Variants in ZNF274 observed in about 807,000 individuals in gnomAD.
The protein encoded by ZNF274 is neurotrophin receptor-interacting factor homolog.
ZNF274 carries 23 observed loss-of-function variants against 42.5 expected under a neutral mutation model. The ratio of observed to expected loss-of-function variants is 0.54; its 90% CI spans 0.39 to 0.77. The LOEUF is 0.77. ZNF274 is among the 30% of genes least tolerant of loss of function. ZNF274 has a pLI of 0.00. For synonymous variants in ZNF274, 292 were observed against 305.4 expected (o/e 0.96, Z 0.46); for missense variants, 679 against 806.5 (o/e 0.84, Z 1.91).
At chr19:58,198,469 C>G (rs1600144346) in intron 4 of ZNF274, among the ~76,000 whole-genome samples, 1 of 151,868 alleles carries the variant, frequency 6.6e-6, no homozygotes, top group African/African-American at 2.4e-5. Context: ...TGGAACAGTA[C>G]AGAAGATGAG....
chr19:58,207,261 G>C lies in ZNF274; in HGVS notation c.739+59G>C. 3.9e-6 allele frequency: 6 copies of C among 1,526,178 alleles called. No individual in the cohort carries two copies. Among genetic ancestry groups the C allele is most frequent in the South Asian group, 3.9e-5 (3 of 77,002 alleles). The allele number at this position is 1,526,178 out of a possible 1,614,324, so 94.5% of individuals were successfully genotyped here. On this transcript the variant is annotated intron_variant, in intron 5 of 7. Transcript: ENST00000617501. This position sits in a 1 kb window ranked among gnomAD's most constrained non-coding sequence, Gnocchi z 5.6. ...TGAGGGTGTCTTGGAGTACCCTGTG[G>C]GGGAGATAAGAACTCCAGGCTTCCT...
rs79918629 is a variant in ZNF274, at chr19:58,196,955, C to T, written c.257-9765C>T. On this transcript the variant is annotated intron_variant, in intron 4 of 7. Coordinates refer to ENST00000617501, the MANE Select transcript of ZNF274 (RefSeq NM_133502.3). ...GGAAGAAACCTCAGAAATATGATCACGTGAGGAAAGACTTCTGGCCTAACT... is the reference window on the plus strand; with the variant it reads ...GGAAGAAACCTCAGAAATATGATCATGTGAGGAAAGACTTCTGGCCTAACT... Among the ~76,000 whole-genome samples the T allele has an allele frequency of 4.3e-3, 658 of 152,238 alleles. 6 individuals carry two copies. The highest frequency in any genetic ancestry group is 0.015 in the African/African-American group (628 of 41,528).
intron 4 of ZNF274, among the ~76,000 whole-genome samples, chr19:58,192,777 A>G (rs891269492): frequency 9.9e-5 from 15 of 152,160 alleles, no homozygotes; most frequent in East Asian, 1.9e-4. Context: ...GTCTCACTCT[A>G]TGTATCACCC....
At chr19:58,193,296 G>A (rs1323797071) in intron 4 of ZNF274, among the ~76,000 whole-genome samples, 3 of 151,362 alleles carry the variant, frequency 2.0e-5, no homozygotes, top group African/African-American at 7.3e-5. Context: ...ACAGGCGCCC[G>A]CCACCACGCC....
intron 4 of ZNF274, among the ~76,000 whole-genome samples, chr19:58,188,723 T>TATAA (rs2075743254): frequency 1.6e-5 from 2 of 128,802 alleles, no homozygotes; most frequent in African/African-American, 6.0e-5. Context: ...TATATATATA[T>TATAA]AAATCTTTAA....
rs566368824 is a variant in ZNF274 at position 58,211,241 on chromosome 19, T to C, written c.853-319T>C. The C allele has an allele frequency of 4.3e-6, 1 of 230,760 alleles. No individual in the cohort carries two copies. The highest frequency in any genetic ancestry group is 8.4e-6 in the Non-Finnish European group (1 of 118,810). 14.3% of individuals were successfully genotyped at this position (230,760 alleles called of 1,614,324 possible). A position where few individuals can be genotyped will look rare whatever the true frequency, so the allele number is the denominator to read the frequency against. ...CAAGTGGGAAGACAGTATTAATAGATGGAGAACCCTCTGCAGTGGGAAGAT... is the reference window on the plus strand; with the variant it reads ...CAAGTGGGAAGACAGTATTAATAGACGGAGAACCCTCTGCAGTGGGAAGAT... On this transcript the variant is annotated intron_variant, in intron 6 of 7. Coordinates refer to ENST00000617501, the MANE Select transcript of ZNF274 (RefSeq NM_133502.3). This position sits in a 1 kb window ranked among gnomAD's most constrained non-coding sequence, Gnocchi z 4.8.
intron 4 of ZNF274, among the ~76,000 whole-genome samples, chr19:58,199,566 C>T (rs1211621638): frequency 6.6e-6 from 1 of 152,078 alleles, no homozygotes; most frequent in Non-Finnish European, 1.5e-5. Flanking sequence ...ACTAAAAATA[C>T]AAAAACTTAG....
chr19:58,192,413 A>C (rs1248510601), intron 4 of ZNF274, among the ~76,000 whole-genome samples: 1 of 152,184 alleles, frequency 6.6e-6, no homozygotes, highest in Non-Finnish European at 1.5e-5. Context: ...TGTGATTCAT[A>C]GGTGGACTCA....
chr19:58,213,365 C>T lies in ZNF274; in HGVS notation c.*222C>T. On this transcript the variant is annotated 3_prime_UTR_variant, in exon 8 of 8. Coordinates refer to ENST00000617501, the MANE Select transcript of ZNF274 (RefSeq NM_133502.3). The stretch of plus-strand genomic sequence containing the variant: ...ATTTGGAAAAAAGATTTCCCATTCA[C>T]TTGATATTGTTTGTTCACTCATTTA... 1 of 498,008 alleles carries T rather than the reference C, an allele frequency of 2.0e-6. No homozygotes were observed. The highest frequency in any genetic ancestry group is 3.1e-5 in the East Asian group (1 of 32,238). 30.8% of individuals were successfully genotyped at this position (498,008 alleles called of 1,614,324 possible).
intron 4 of ZNF274, among the ~76,000 whole-genome samples, chr19:58,193,906 AC>A (rs2075807562): frequency 1.3e-5 from 2 of 152,086 alleles, no homozygotes; most frequent in Admixed American, 1.3e-4. Flanking sequence ...AGCCTGGGCA[AC>A]ACAGCAAGAA....
intron 4 of ZNF274, among the ~76,000 whole-genome samples, chr19:58,190,629 T>C (rs935259101): frequency 1.3e-5 from 2 of 152,204 alleles, no homozygotes; most frequent in Non-Finnish European, 2.9e-5. Flanking sequence ...AGGAGTATAA[T>C]AGATGTAGAA....
In ZNF274 at chr19:58,186,935, T is replaced by C; in HGVS notation, c.161-12T>C. ...AGACCCCCACAAGCCCTGTCTCTTT[T>C]CCTTTGAGCAGAACATCAGCTTTCC... is the stretch of plus-strand genomic sequence containing the variant. On this transcript the variant is annotated splice_polypyrimidine_tract_variant and intron_variant, in intron 3 of 7. Transcript: ENST00000617501. The C allele has an allele frequency of 6.2e-7, 1 of 1,612,358 alleles. No homozygotes were observed. Among genetic ancestry groups the C allele is most frequent in the South Asian group, 1.1e-5 (1 of 90,682 alleles).
At position 58,207,113 on chromosome 19, in the gene ZNF274, T is replaced by G. The variant is rs762598227; in HGVS notation, c.650T>G (p.Leu217Arg). 6.2e-7 allele frequency: 1 copy of G among 1,613,744 alleles called. No homozygotes were observed. Residue 217 changes from leucine to arginine, a missense_variant, in exon 5 of 8, where the codon CTC becomes CGC. Transcript: ENST00000617501. The surrounding 1 kb of genome is among the most constrained non-coding windows in gnomAD (Gnocchi z 5.6). Reference protein sequence around the residue: ...EQFLGALPVKLRTWVESQHPE... With the variant: ...EQFLGALPVKRRTWVESQHPE... Reference sequence around the variant, plus strand: ...TTCCTAGGTGCACTGCCTGTGAAGCTCCGGACATGGGTGGAATCGCAGCAC... The same window carrying G: ...TTCCTAGGTGCACTGCCTGTGAAGCGCCGGACATGGGTGGAATCGCAGCAC...
At chr19:58,200,777 A>G (rs751999563) in intron 4 of ZNF274, among the ~76,000 whole-genome samples, 1 of 152,138 alleles carries the variant, frequency 6.6e-6, no homozygotes, top group Non-Finnish European at 1.5e-5. Context: ...CCACTATGTT[A>G]GGCCGTTCTT....
chr19:58,206,935 G>A lies in ZNF274; in HGVS notation c.472G>A (p.Glu158Lys), dbSNP rs373161787. 7 of 1,612,100 alleles carry A rather than the reference G, an allele frequency of 4.3e-6. No homozygotes were observed. The highest frequency in any genetic ancestry group is 1.1e-5 in the South Asian group (1 of 90,740). ...QQQGKHPGDP[E>K]AARQRFRQFR... ...GCAGGGCAAGCATCCAGGTGACCCTGAGGCCGCGCGCCAGAGGTTCCGGCA... is the reference window on the plus strand; with the variant it reads ...GCAGGGCAAGCATCCAGGTGACCCTAAGGCCGCGCGCCAGAGGTTCCGGCA... The change falls in exon 5 of 8, where the codon GAG becomes AAG. Residue 158 changes from glutamate to lysine, a missense_variant. Physicochemically the swap from Glu to Lys is moderately conservative, Grantham distance 56 (BLOSUM62 1). Transcript: ENST00000617501.
chr19:58,196,377 A>T (rs1221165526), intron 4 of ZNF274, among the ~76,000 whole-genome samples: 1 of 152,190 alleles, frequency 6.6e-6, no homozygotes, highest in African/African-American at 2.4e-5. Flanking sequence ...CCTGGGCAAC[A>T]TGACGAAACC....
chr19:58,205,000 C>G (rs1328518056), intron 4 of ZNF274, among the ~76,000 whole-genome samples: 1 of 152,174 alleles, frequency 6.6e-6, no homozygotes, highest in Non-Finnish European at 1.5e-5. Context: ...GGTATATTGG[C>G]AGTCATCTAA....
At position 58,206,846 on chromosome 19, in the gene ZNF274, T is replaced by A; in HGVS notation, c.383T>A (p.Ile128Asn). ...QEVAGPRNAQ[I>N]QALYAEDGSL... Reference sequence around the variant, plus strand: ...GTGGCTGGTCCCCGGAATGCCCAGATCCAGGCCCTATATGCTGAAGATGGA... The same window carrying A: ...GTGGCTGGTCCCCGGAATGCCCAGAACCAGGCCCTATATGCTGAAGATGGA... The change falls in exon 5 of 8, where the codon ATC (isoleucine) becomes AAC (asparagine). Residue 128 changes from isoleucine (I) to asparagine (N), a missense_variant. Physicochemically the swap from Ile to Asn is moderately radical, Grantham distance 149 (BLOSUM62 -3). Around this residue, in one of 2 missense-constraint regions of ZNF274, gnomAD observed 223 missense variants for 216.4 expected, o/e 1.03. Transcript: ENST00000617501. 1 of 1,613,902 alleles carries A rather than the reference T, an allele frequency of 6.2e-7. No homozygotes were observed. Among genetic ancestry groups the A allele is most frequent in the Non-Finnish European group, 8.5e-7 (1 of 1,179,850 alleles).
chr19:58,212,775 G>C lies in ZNF274; in HGVS notation c.1594G>C (p.Glu532Gln). Residue 532 changes from glutamate to glutamine, a missense_variant, in exon 8 of 8, where the codon GAG (glutamate) becomes CAG (glutamine). Glu to Gln is a conservative substitution (Grantham distance 29, BLOSUM62 2). Around this residue, in one of 2 missense-constraint regions of ZNF274, gnomAD observed 456 missense variants for 590.1 expected, o/e 0.77. Coordinates refer to ENST00000617501, the MANE Select transcript of ZNF274 (RefSeq NM_133502.3). This position sits in a 1 kb window ranked among gnomAD's most constrained non-coding sequence, Gnocchi z 4.6. ...FSVHKKIHTG[E>Q]RPYVCQDCGK... is the part of the protein sequence containing the mutation. ...TGTGCATAAGAAAATCCATACCGGA[G>C]AGAGGCCCTATGTGTGTCAAGACTG... is the stretch of plus-strand genomic sequence containing the variant. 1 of 1,614,028 alleles carries C rather than the reference G, an allele frequency of 6.2e-7. No individual in the cohort carries two copies. The highest frequency in any genetic ancestry group is 8.5e-7 in the Non-Finnish European group (1 of 1,179,906).
Sources: allele counts gnomAD v4.1 joint callset (sites outside exome capture counted in the v4.1 genomes callset), GRCh38; gene constraint gnomAD v4.1.1; regional missense constraint gnomAD v4.1.1; non-coding constraint Gnocchi (gnomAD v3.1); transcripts MANE v1.5; gene names NCBI Gene and HGNC (gene_info 2026-07-23, HGNC 2026-07-21).